ASTN1: variants seen among roughly 807,000 people sequenced by gnomAD.
ASTN1 encodes the protein astrotactin 1, also known as astrotactin-1.
In ASTN1, 41 loss-of-function variants were observed where a neutral mutation model predicts 140.7. That is an observed-to-expected ratio of 0.29 (90% CI 0.23 to 0.38). ASTN1 has a LOEUF of 0.38. Among genes scored for constraint, ASTN1 ranks in the 10% least tolerant of loss-of-function variants. The pLI, the probability that ASTN1 is intolerant of heterozygous loss-of-function variation, is 1.00. For synonymous variants in ASTN1, 640 were observed against 652.2 expected (o/e 0.98, Z 0.29); for missense variants, 1,479 against 1,678.8 (o/e 0.88, Z 2.08).
At chr1:176,968,792 T>G (rs1007879528) in intron 8 of ASTN1, among the ~76,000 whole-genome samples, 1 of 152,052 alleles carries the variant, frequency 6.6e-6, no homozygotes, top group Non-Finnish European at 1.5e-5. Flanking sequence ...GAATCTAAGG[T>G]CTTTGTGAAG....
intron 8 of ASTN1, among the ~76,000 whole-genome samples, chr1:176,991,436 CAAAA>C (rs1173420812): frequency 2.3e-3 from 32 of 13,836 alleles, no homozygotes; most frequent in Admixed American, 3.8e-3. Flanking sequence ...AAAAAAAAAC[CAAAA>C]AAAAAAAAAA....
rs376520454 is a variant in ASTN1 at position 176,943,873 on chromosome 1, T to G, written c.2377+18A>C. Reference sequence around the variant, plus strand: ...GCCTGTTTGTGCCAGTTGAATAAGGTTGAGAAGGCACACTCACCAGTCAGG... The same window carrying G: ...GCCTGTTTGTGCCAGTTGAATAAGGGTGAGAAGGCACACTCACCAGTCAGG... On this transcript the variant is annotated intron_variant, in intron 14 of 22. Transcript: ENST00000361833. The G allele has an allele frequency of 1.9e-6, 3 of 1,583,540 alleles. No individual in the cohort carries two copies. Among genetic ancestry groups the G allele is most frequent in the Non-Finnish European group, 2.6e-6 (3 of 1,162,822 alleles).
chr1:177,067,978 G>A (rs1571735198), intron 1 of ASTN1, among the ~76,000 whole-genome samples: 1 of 152,062 alleles, frequency 6.6e-6, no homozygotes, highest in Admixed American at 6.6e-5. Flanking sequence ...CTAAAATCCC[G>A]CATCCCAGAT....
At chr1:176,981,680 T>A (rs1486051746) in intron 8 of ASTN1, 3 of 152,652 alleles carry the variant, frequency 2.0e-5, no homozygotes, top group African/African-American at 7.2e-5. Context: ...GGTGATTGAT[T>A]GGATGTGACG....
intron 2 of ASTN1, among the ~76,000 whole-genome samples, chr1:177,047,015 C>T (rs1386942366): frequency 1.3e-5 from 2 of 152,206 alleles, no homozygotes; most frequent in African/African-American, 2.4e-5. Flanking sequence ...TGTCCATTCC[C>T]AAAGTCCCTT....
At chr1:176,903,481 C>G (rs927233151) in intron 16 of ASTN1, among the ~76,000 whole-genome samples, 8 of 152,326 alleles carry the variant, frequency 5.3e-5, no homozygotes, top group Non-Finnish European at 1.0e-4. Flanking sequence ...CTCTGCATGT[C>G]CTTAGAGCCT....
chr1:176,861,270 A>C lies in ASTN1; in HGVS notation c.*3014T>G. ...TATCAAGAAGTGTAGTTAACTAAAA[A>C]ATAATGAACGGACCAAACTCCATGG... is the stretch of plus-strand genomic sequence containing the variant. On this transcript the variant is annotated 3_prime_UTR_variant, in exon 23 of 23. Transcript: ENST00000361833. 1.0e-6 allele frequency: 1 copy of C among 985,504 alleles called. No individual in the cohort carries two copies. Among genetic ancestry groups the C allele is most frequent in the African/African-American group, 1.7e-5 (1 of 57,364 alleles). 61.0% of individuals were successfully genotyped at this position (985,504 alleles called of 1,614,324 possible). A position where few individuals can be genotyped will look rare whatever the true frequency, so the allele number is the denominator to read the frequency against.
At chr1:176,859,464 T>A (rs1164122572), downstream of ASTN1, among the ~76,000 whole-genome samples, 1 of 152,174 alleles carries the variant, frequency 6.6e-6, no homozygotes, top group Non-Finnish European at 1.5e-5. Context: ...AAAGGCACTG[T>A]TGACCCCTGA....
chr1:177,148,688 A>G (rs1319111114), intron 1 of ASTN1, among the ~76,000 whole-genome samples: 1 of 149,046 alleles, frequency 6.7e-6, no homozygotes, highest in East Asian at 2.0e-4. Context: ...TTTCCTTCCT[A>G]TAAAGAGATG....
chr1:176,884,581 T>C, intron 18 of ASTN1, 91 bp from the exon 19 acceptor site: 3 of 1,404,392 alleles, frequency 2.1e-6, no homozygotes, highest in South Asian at 1.4e-5. Flanking sequence ...TGTAAGCTTT[T>C]CTTTCCCAAC....
At chr1:177,038,967 G>GGATT (rs1317191293) in intron 2 of ASTN1, among the ~76,000 whole-genome samples, 5 of 152,166 alleles carry the variant, frequency 3.3e-5, no homozygotes, top group Non-Finnish European at 7.3e-5. Context: ...CCATGGACCA[G>GGATT]TGGAATCCTT....
At chr1:176,928,820 C>A (rs1347580750) in intron 16 of ASTN1, among the ~76,000 whole-genome samples, 1 of 152,088 alleles carries the variant, frequency 6.6e-6, no homozygotes, top group Non-Finnish European at 1.5e-5. Context: ...TAAATCATAG[C>A]CAGGAAGACT....
intron 1 of ASTN1, among the ~76,000 whole-genome samples, chr1:177,137,680 G>A (rs1051544639): frequency 1.3e-5 from 2 of 152,114 alleles, no homozygotes; most frequent in Admixed American, 1.3e-4. Flanking sequence ...ACTCTTTTTG[G>A]ATGCCCAGCA....
At position 177,076,576 on chromosome 1, in the gene ASTN1, C is replaced by T. The variant is rs539433249; in HGVS notation, c.284-15311G>A. 2.9e-4 allele frequency among the ~76,000 whole-genome samples: 44 copies of T among 151,428 alleles called. 1 individual carries two copies. The South Asian group carries it at 9.1e-3, about 31-fold the overall frequency. On this transcript the variant is annotated intron_variant, in intron 1 of 22. Coordinates refer to ENST00000361833, the MANE Select transcript of ASTN1 (RefSeq NM_004319.3). Reference sequence around the variant, plus strand: ...TCACTTCATCACCCAGGCTGGAGTGCAGTGGCAAGATCTTGGCTCACTGCA... The same window carrying T: ...TCACTTCATCACCCAGGCTGGAGTGTAGTGGCAAGATCTTGGCTCACTGCA...
Position 176,863,947 on chromosome 1 carries a change from TGG to T in ASTN1, c.*335_*336del. ...GGGTGCCTACTTAATAGACTTTTCATGGGGAGCACGGCAGAGCTCTTGAGCAT... is the reference window on the plus strand; with the variant it reads ...GGGTGCCTACTTAATAGACTTTTCATGGAGCACGGCAGAGCTCTTGAGCAT... On this transcript the variant is annotated 3_prime_UTR_variant, in exon 23 of 23. Transcript: ENST00000361833. 1 of 1,089,642 alleles carries T rather than the reference TGG, an allele frequency of 9.2e-7. No individual in the cohort carries two copies. Among genetic ancestry groups the T allele is most frequent in the Non-Finnish European group, 1.1e-6 (1 of 893,378 alleles). 67.5% of individuals were successfully genotyped at this position (1,089,642 alleles called of 1,614,324 possible). A position where few individuals can be genotyped will look rare whatever the true frequency, so the allele number is the denominator to read the frequency against.
At chr1:177,043,869 T>C (rs1394510446) in intron 2 of ASTN1, among the ~76,000 whole-genome samples, 1 of 152,160 alleles carries the variant, frequency 6.6e-6, no homozygotes, top group African/African-American at 2.4e-5. Flanking sequence ...ACCCTGGCAG[T>C]CAAAAAAGTC....
Position 176,882,912 on chromosome 1 carries a change from C to T in ASTN1, c.3309G>A (p.Gln1103=), listed in dbSNP as rs141081143. The T allele has an allele frequency of 7.0e-5, 113 of 1,614,136 alleles. No homozygotes were observed. The African/African-American group carries it at 1.3e-3, about 18-fold the overall frequency. Residue 1103 remains glutamine, a synonymous_variant, in exon 20 of 23, where the codon CAG becomes CAA. Coordinates refer to ENST00000361833, the MANE Select transcript of ASTN1 (RefSeq NM_004319.3). The stretch of plus-strand genomic sequence containing the variant: ...GTATGATCAGAGAGATGGTGGTGAG[C>T]TGCTTGTCCGGCACCTGAGATGGCA... ...CAMPSQVPDK[Q]LTTISLIIRC...
chr1:176,972,482 G>A (rs767043238), intron 8 of ASTN1, among the ~76,000 whole-genome samples: 1 of 152,110 alleles, frequency 6.6e-6, no homozygotes, highest in Non-Finnish European at 1.5e-5. Flanking sequence ...GTTGCTAAAT[G>A]AACTACTACT....
chr1:176,883,533 A>T (rs1317547896), intron 19 of ASTN1, among the ~76,000 whole-genome samples: 1 of 152,166 alleles, frequency 6.6e-6, no homozygotes, highest in Admixed American at 6.5e-5. Context: ...ATGGACAGAG[A>T]TAGCATTCTG....
Sources: gnomAD v4.1 joint callset for allele counts (sites outside exome capture counted in the v4.1 genomes callset) on GRCh38, gnomAD v4.1.1 for gene constraint, MANE v1.5 for transcripts, NCBI Gene and HGNC (gene_info 2026-07-23, HGNC 2026-07-21) for gene names.